Variants in USP6 observed in about 807,000 individuals in gnomAD.
USP6 encodes ubiquitin specific peptidase 6, also known as ubiquitin carboxyl-terminal hydrolase 6.
Under a neutral mutation model 175.7 loss-of-function variants are expected in USP6, and 128 were observed. That is an observed-to-expected ratio of 0.73 (90% CI 0.63 to 0.84). USP6 has a LOEUF of 0.84. Among genes scored for constraint, USP6 ranks in the 40% least tolerant of loss-of-function variants. The pLI, the probability that USP6 is intolerant of heterozygous loss-of-function variation, is 0.00. For synonymous variants in USP6, 562 were observed against 630.6 expected, an observed-to-expected ratio of 0.89 and a Z score of 1.63; for missense variants, 1,498 against 1,760.3, an observed-to-expected ratio of 0.85 and a Z score of 2.67.
At chr17:5,131,580 G>A (rs2073070273) in intron 11 of USP6, among the ~76,000 whole-genome samples, 2 of 151,450 alleles carry the variant, frequency 1.3e-5, no homozygotes, top group South Asian at 4.2e-4. Context: ...TGGGGAAGGG[G>A]GAAAGGCATG....
At chr17:5,158,406 A>T (rs563955963) in intron 31 of USP6, among the ~76,000 whole-genome samples, 8 of 152,272 alleles carry the variant, frequency 5.3e-5, no homozygotes, top group African/African-American at 1.7e-4. Flanking sequence ...GTCTCTACTA[A>T]AAATGCAAAA....
At chr17:5,166,586 G>C (rs1408495247) in intron 33 of USP6, among the ~76,000 whole-genome samples, 1 of 152,126 alleles carries the variant, frequency 6.6e-6, no homozygotes, top group African/African-American at 2.4e-5. Context: ...CAGAGAGGCA[G>C]TCAGTGTGGG....
chr17:5,173,872 G>A lies in USP6; in HGVS notation c.*894G>A, dbSNP rs909813074. The A allele has an allele frequency of 1.8e-5, 4 of 222,872 alleles. No homozygotes were observed. The highest frequency in any genetic ancestry group is 6.5e-5 in the East Asian group (1 of 15,320). The allele number at this position is 222,872 out of a possible 1,614,324, so 13.8% of individuals were successfully genotyped here. ...AGCTTCTGGGAAGGTAAGCGGCATC[G>A]GAGCTAGATCACGTTTCACAATTAG... On this transcript the variant is annotated 3_prime_UTR_variant, in exon 38 of 38. Transcript: ENST00000574788.
rs1464528994 is a variant in USP6 at position 5,148,585 on chromosome 17, A to G, written c.2461A>G (p.Met821Val). The stretch of plus-strand genomic sequence containing the variant: ...CTCCTCTTCACCATCTACAAATGGA[A>G]TGTTCACCCTAACTACCAATGGGGA... ...DFSSSPSTNG[M>V]FTLTTNGDLP... The change falls in exon 30 of 38, where the codon ATG (methionine) becomes GTG (valine). Residue 821 changes from methionine (M) to valine (V), a missense_variant. Around this residue, in one of 2 missense-constraint regions of USP6, gnomAD observed 1,217 missense variants for 1,500.8 expected, o/e 0.81. Transcript: ENST00000574788. The G allele has an allele frequency of 5.6e-6, 9 of 1,613,858 alleles. No individual in the cohort carries two copies. The highest frequency in any genetic ancestry group is 7.6e-6 in the Non-Finnish European group (9 of 1,179,864).
chr17:5,131,685 G>T (rs1567778863), intron 11 of USP6, among the ~76,000 whole-genome samples: 1 of 150,662 alleles, frequency 6.6e-6, no homozygotes, highest in African/African-American at 2.4e-5. Flanking sequence ...AGGCAGCAGG[G>T]CTTGTGACTA....
intron 30 of USP6, among the ~76,000 whole-genome samples, chr17:5,152,933 T>C (rs1436018597): frequency 6.6e-6 from 1 of 151,980 alleles, no homozygotes; most frequent in Non-Finnish European, 1.5e-5. Flanking sequence ...AAAGTGGAGG[T>C]TGCAGCAAGC....
rs538355643 is a variant in USP6 at position 5,133,050 on chromosome 17, C to A, written c.276+60C>A. The A allele has an allele frequency of 1.9e-6, 3 of 1,577,028 alleles. No homozygotes were observed. The African/African-American group carries it at 4.0e-5, about 21-fold the overall frequency. Reference sequence around the variant, plus strand: ...CTCTGCAGAAACAGGGGACAGGCACCCATGGCTGTGGCCTGGCACCGTCAG... The same window carrying A: ...CTCTGCAGAAACAGGGGACAGGCACACATGGCTGTGGCCTGGCACCGTCAG... On this transcript the variant is annotated intron_variant, in intron 13 of 37. Coordinates refer to ENST00000574788, the MANE Select transcript of USP6 (RefSeq NM_001304284.2).
At position 5,135,815 on chromosome 17, in the gene USP6, G is replaced by A; in HGVS notation, c.551G>A (p.Gly184Asp). Reference sequence around the variant, plus strand: ...TGACTCTGGCTCTTGCAGGAGGTGGGCTACTGCAGGGACCTGAGCCACATC... The same window carrying A: ...TGACTCTGGCTCTTGCAGGAGGTGGACTACTGCAGGGACCTGAGCCACATC... Reference protein sequence around the residue: ...LAYSEYNPEVGYCRDLSHITA... With the variant: ...LAYSEYNPEVDYCRDLSHITA... Residue 184 changes from glycine (G) to aspartate (D), a missense_variant, in exon 17 of 38, where the codon GGC (glycine) becomes GAC (aspartate). Physicochemically the swap from Gly to Asp is moderately conservative, Grantham distance 94. Transcript: ENST00000574788. 1.3e-6 allele frequency: 2 copies of A among 1,598,104 alleles called. No homozygotes were observed. Among genetic ancestry groups the A allele is most frequent in the Non-Finnish European group, 1.7e-6 (2 of 1,179,734 alleles).
chr17:5,119,906 C>G (rs2072613765), intron 2 of USP6, among the ~76,000 whole-genome samples: 1 of 152,118 alleles, frequency 6.6e-6, no homozygotes, highest in Admixed American at 6.5e-5. Flanking sequence ...ACCCCTCCTT[C>G]AGGTCTGTCG....
intron 14 of USP6, 39 bp from the exon 15 acceptor site, chr17:5,133,848 G>A: frequency 1.3e-6 from 2 of 1,598,072 alleles, no homozygotes; most frequent in Admixed American, 1.7e-5. Context: ...TCTTCCATCT[G>A]TTCTGAGGCT....
intron 13 of USP6, 134 bp downstream of exon 13, chr17:5,133,124 C>T (rs2073131136): frequency 1.4e-5 from 15 of 1,092,840 alleles, no homozygotes; most frequent in Admixed American, 4.6e-5. Flanking sequence ...GGACTGCAGG[C>T]CTGGTCACCA....
intron 31 of USP6, among the ~76,000 whole-genome samples, chr17:5,157,380 C>T (rs2073906922): frequency 6.6e-6 from 1 of 152,020 alleles, no homozygotes. Context: ...GCCATCGCGC[C>T]CAGCCAAAAT....
In USP6 at chr17:5,168,796, A is replaced by C; in HGVS notation, c.3258A>C (p.Val1086=). Residue 1086 remains valine, a synonymous_variant, in exon 35 of 38, where the codon GTA becomes GTC. Coordinates refer to ENST00000574788, the MANE Select transcript of USP6 (RefSeq NM_001304284.2). ...TTCACCTTAAGCGATTTCAATTTGT[A>C]AATGATCAGTGGATAAAATCACAGA... ...LIIHLKRFQF[V]NDQWIKSQKI... 6.2e-7 allele frequency: 1 copy of C among 1,603,784 alleles called. No homozygotes were observed. Among genetic ancestry groups the C allele is most frequent in the Non-Finnish European group, 8.5e-7 (1 of 1,174,790 alleles).
intron 31 of USP6, among the ~76,000 whole-genome samples, chr17:5,158,000 G>A (rs2073921951): frequency 6.6e-6 from 1 of 152,138 alleles, no homozygotes; most frequent in Non-Finnish European, 1.5e-5. Context: ...AACTGGAGAA[G>A]GAGCAGATTT....
In USP6 at chr17:5,168,123, G is replaced by C. The variant is rs1266775354; in HGVS notation, c.3228G>C (p.Leu1076=). 1.9e-6 allele frequency: 3 copies of C among 1,602,204 alleles called. No individual in the cohort carries two copies. The highest frequency in any genetic ancestry group is 2.6e-6 in the Non-Finnish European group (3 of 1,172,268). The part of the protein sequence containing the change: ...KLDLWRLPPF[L]IIHLKRFQFV... ...ATCTCTGGAGGCTTCCACCCTTCCT[G>C]GTATGTTACGGTCCTGCCTCTGAGA... The change falls in exon 34 of 38, where the codon CTG becomes CTC. Residue 1076 remains leucine (L), a splice_region_variant and synonymous_variant. Transcript: ENST00000574788.
intron 9 of USP6, 110 bp from the exon 10 acceptor site, chr17:5,130,257 G>A: frequency 9.7e-7 from 1 of 1,035,404 alleles, no homozygotes; most frequent in Non-Finnish European, 1.5e-6. Context: ...GTGCAGTGGT[G>A]GAATGAAGGT....
chr17:5,159,954 AC>A (rs976846025), intron 31 of USP6, among the ~76,000 whole-genome samples: 12 of 130,474 alleles, frequency 9.2e-5, no homozygotes, highest in African/African-American at 3.7e-4. Flanking sequence ...ACAGAGTGAT[AC>A]CCCGTCTCAA....
At position 5,130,438 on chromosome 17, in the gene USP6, A is replaced by C. The variant is rs372676719; in HGVS notation, c.71A>C (p.Lys24Thr). The C allele has an allele frequency of 3.1e-6, 5 of 1,614,016 alleles. No individual in the cohort carries two copies. Among genetic ancestry groups the C allele is most frequent in the Non-Finnish European group, 4.2e-6 (5 of 1,180,006 alleles). Residue 24 changes from lysine (K) to threonine (T), a missense_variant and splice_region_variant, in exon 10 of 38, where the codon AAG becomes ACG. Around this residue, in one of 2 missense-constraint regions of USP6, gnomAD observed 281 missense variants for 259.6 expected, o/e 1.08. Transcript: ENST00000574788. ...ERKDILMKYD[K>T]GHRAGLPEDK... is the part of the protein sequence containing the mutation. ...AAGGACATACTTATGAAGTATGACA[A>C]GGTACAGTTCGGTCTGCTCCTTGGA...
chr17:5,147,625 G>A (rs2073648560), intron 29 of USP6, among the ~76,000 whole-genome samples: 2 of 152,134 alleles, frequency 1.3e-5, no homozygotes, highest in Non-Finnish European at 2.9e-5. Flanking sequence ...GGTTAATTAG[G>A]CTAATTCCCC....
Sources: gnomAD v4.1 joint callset for allele counts (sites outside exome capture counted in the v4.1 genomes callset) on GRCh38, gnomAD v4.1.1 for gene constraint, gnomAD v4.1.1 regional missense constraint, MANE v1.5 for transcripts, NCBI Gene and HGNC (gene_info 2026-07-23, HGNC 2026-07-21) for gene names.